Variants in DOCK1 observed in about 807,000 individuals in gnomAD.
The protein encoded by DOCK1 is dedicator of cytokinesis protein 1.
In DOCK1, 138 loss-of-function variants were observed where a neutral mutation model predicts 262.7. The observed-to-expected ratio is 0.53, with a 90% CI of 0.46 to 0.61. The LOEUF is 0.61. Ranked by LOEUF, DOCK1 falls within the 20% of genes least tolerant of loss-of-function variation. The pLI is 0.00. For missense variants in DOCK1, 1,908 were observed against 2,370.7 expected, an observed-to-expected ratio of 0.80 and a Z score of 4.05; for synonymous variants, 866 against 867.4, an observed-to-expected ratio of 1.00 and a Z score of 0.03.
At chr10:127,349,760 G>T (rs900510356) in intron 31 of DOCK1, among the ~76,000 whole-genome samples, 1 of 152,122 alleles carries the variant, frequency 6.6e-6, no homozygotes, top group African/African-American at 2.4e-5. Context: ...CCTGGCTTCC[G>T]GTGGCTGCCC....
At chr10:126,938,930 C>T (rs1207476541) in intron 1 of DOCK1, among the ~76,000 whole-genome samples, 4 of 87,366 alleles carry the variant, frequency 4.6e-5, no homozygotes, top group African/African-American at 5.2e-5. Context: ...AGGATGAACA[C>T]GGGGGGACGA....
At chr10:127,409,804 G>A (rs7895535) in intron 42 of DOCK1, among the ~76,000 whole-genome samples, 38,642 of 152,032 alleles carry the variant, frequency 0.25, 5,181 homozygotes, top group African/African-American at 0.33. Flanking sequence ...TTTAGAAGGC[G>A]GGAAATGGGA....
chr10:126,987,769 A>G (rs546444662), intron 5 of DOCK1, among the ~76,000 whole-genome samples, 152 bp downstream of exon 5: 1 of 152,268 alleles, frequency 6.6e-6, no homozygotes, highest in South Asian at 2.1e-4. Flanking sequence ...AGGAAGCGAC[A>G]TGGCTGAGAG....
intron 27 of DOCK1, among the ~76,000 whole-genome samples, chr10:127,144,774 C>G (rs2051632182): frequency 6.6e-6 from 1 of 152,152 alleles, no homozygotes; most frequent in Non-Finnish European, 1.5e-5. Flanking sequence ...TTCACCGTAA[C>G]TTTGTATCCT....
At chr10:127,151,102 A>T (rs190680261) in intron 27 of DOCK1, among the ~76,000 whole-genome samples, 8 of 152,282 alleles carry the variant, frequency 5.3e-5, no homozygotes, top group Admixed American at 5.2e-4. Context: ...TCCCTTTATC[A>T]TCTCTTCCTG....
intron 29 of DOCK1, among the ~76,000 whole-genome samples, chr10:127,312,573 G>A (rs2062102270): frequency 6.6e-6 from 1 of 152,110 alleles, no homozygotes; most frequent in Non-Finnish European, 1.5e-5. Context: ...CTGGGCCAAG[G>A]GTCCACTCTG....
intron 1 of DOCK1, among the ~76,000 whole-genome samples, chr10:126,905,875 C>T (rs1384603170): frequency 6.6e-6 from 1 of 152,018 alleles, no homozygotes; most frequent in East Asian, 1.9e-4. Context: ...GCCGTGGAGC[C>T]CCCCGGGCTA....
chr10:126,925,301 A>G (rs1481561877), intron 1 of DOCK1, among the ~76,000 whole-genome samples: 1 of 152,262 alleles, frequency 6.6e-6, no homozygotes, highest in African/African-American at 2.4e-5. Context: ...AAGTCCTGCC[A>G]GTAACCAGAC....
At chr10:127,316,743 A>T (rs568084353) in intron 29 of DOCK1, among the ~76,000 whole-genome samples, 1 of 152,276 alleles carries the variant, frequency 6.6e-6, no homozygotes, top group South Asian at 2.1e-4. Context: ...AACTGTACAG[A>T]CAAGGCGGAC....
chr10:126,999,452 A>T lies in DOCK1; in HGVS notation c.849+17A>T, dbSNP rs1212800139. The T allele has an allele frequency of 6.2e-7, 1 of 1,607,242 alleles. No individual in the cohort carries two copies. The highest frequency in any genetic ancestry group is 1.3e-5 in the African/African-American group (1 of 74,778). On this transcript the variant is annotated intron_variant, in intron 9 of 51. Coordinates refer to ENST00000623213, the MANE Select transcript of DOCK1 (RefSeq NM_001290223.2). ...GTGTTTACTGTAAGTGCACCCAAAG[A>T]TGCTTAGTTGAATTGGCTACCATTC...
intron 29 of DOCK1, among the ~76,000 whole-genome samples, chr10:127,306,497 C>T (rs910523440): frequency 5.3e-5 from 8 of 152,156 alleles, no homozygotes; most frequent in South Asian, 2.1e-4. Context: ...GTGAATGTGG[C>T]GTCCATCTGC....
Position 127,175,627 on chromosome 10 carries a change from A to T in DOCK1, c.2847+47863A>T. On this transcript the variant is annotated intron_variant, in intron 27 of 51. Transcript: ENST00000623213. This position sits in a 1 kb window ranked among gnomAD's most constrained non-coding sequence, Gnocchi z 6.3. ...GCCCTGGCACTGAGGGCAGGTGCGT[A>T]AACGGTGGCAACCTCCGTTTTAAAC... The T allele has an allele frequency of 6.2e-7, 1 of 1,613,196 alleles. No homozygotes were observed. The highest frequency in any genetic ancestry group is 8.5e-7 in the Non-Finnish European group (1 of 1,179,944).
chr10:127,119,901 C>A (rs1281887071), intron 25 of DOCK1, among the ~76,000 whole-genome samples: 7 of 152,174 alleles, frequency 4.6e-5, no homozygotes, highest in Non-Finnish European at 8.8e-5. Flanking sequence ...TTATTGAATA[C>A]CTTTTATAAA....
intron 27 of DOCK1, among the ~76,000 whole-genome samples, chr10:127,209,184 G>T (rs1286709943): frequency 2.3e-3 from 2 of 852 alleles, no homozygotes; most frequent in East Asian, 0.33. Flanking sequence ...CTTTGAGAAG[G>T]TTTCAGTTCT....
rs530520013 is a variant in DOCK1, at chr10:127,090,837, C to T, written c.2446-15394C>T. The stretch of plus-strand genomic sequence containing the variant: ...GTTGGCACCCCATTACTGTTCATGG[C>T]TCGGTAGTATTCCATTGTATGGACA... On this transcript the variant is annotated intron_variant, in intron 23 of 51. Transcript: ENST00000623213. 1.3e-5 allele frequency among the ~76,000 whole-genome samples: 2 copies of T among 152,318 alleles called. 1 individual carries two copies. The highest frequency in any genetic ancestry group is 4.8e-5 in the African/African-American group (2 of 41,572).
At chr10:127,259,090 G>A (rs2059925135) in intron 29 of DOCK1, among the ~76,000 whole-genome samples, 1 of 152,198 alleles carries the variant, frequency 6.6e-6, no homozygotes, top group African/African-American at 2.4e-5. Context: ...TGAGCTGGAA[G>A]TCTCCTTCCA....
intron 1 of DOCK1, among the ~76,000 whole-genome samples, chr10:126,919,376 T>G (rs1327549138): frequency 2.0e-5 from 3 of 152,228 alleles, no homozygotes; most frequent in Non-Finnish European, 4.4e-5. Flanking sequence ...TTCTATTAAC[T>G]TCACAAGATT....
At chr10:127,122,714 G>C (rs570310457) in intron 25 of DOCK1, among the ~76,000 whole-genome samples, 1 of 151,482 alleles carries the variant, frequency 6.6e-6, no homozygotes, top group South Asian at 2.1e-4. Context: ...ATTTCTAAAA[G>C]TTTTGTTGTT....
At position 127,228,028 on chromosome 10, in the gene DOCK1, A is replaced by C. The variant is rs187625051; in HGVS notation, c.2848-19980A>C. On this transcript the variant is annotated intron_variant, in intron 27 of 51. Coordinates refer to ENST00000623213, the MANE Select transcript of DOCK1 (RefSeq NM_001290223.2). ...CTCAAGCTTTGACTCTTTCTTCCCC[A>C]TTGCCTCTAAACCCTAGCTTGAATT... Among the ~76,000 whole-genome samples, 820 of 152,294 alleles carry C rather than the reference A, an allele frequency of 5.4e-3. 11 individuals carry two copies. The highest frequency in any genetic ancestry group is 4.6e-3 in the Non-Finnish European group (311 of 68,024).
Sources: gnomAD v4.1 joint callset for allele counts (sites outside exome capture counted in the v4.1 genomes callset) on GRCh38, gnomAD v4.1.1 for gene constraint, Gnocchi (gnomAD v3.1) non-coding constraint, MANE v1.5 for transcripts, NCBI Gene and HGNC (gene_info 2026-07-23, HGNC 2026-07-21) for gene names.